The following PSMA6 variants were observed in gnomAD, a reference collection of about 807,000 sequenced individuals.
PSMA6 encodes the protein proteasome subunit alpha type-6.
For missense variants in PSMA6, 170 were observed against 294.8 expected (o/e 0.58, Z 3.10); for synonymous variants, 88 against 97.7 (o/e 0.90, Z 0.59).
chr14:35,312,632 T>A (rs2051967016), intron 4 of PSMA6: 1 of 429,088 alleles, frequency 2.3e-6, no homozygotes. Flanking sequence ...TATTTTTAAA[T>A]TGTATTTGTA....
At chr14:35,297,397 A>G (rs1048259857) in intron 1 of PSMA6, among the ~76,000 whole-genome samples, 9 of 151,670 alleles carry the variant, frequency 5.9e-5, no homozygotes, top group South Asian at 2.1e-4. Context: ...TTATATTTTT[A>G]GTAGAGACGG....
At chr14:35,298,644 G>A (rs182551331) in intron 1 of PSMA6, among the ~76,000 whole-genome samples, 3 of 152,154 alleles carry the variant, frequency 2.0e-5, no homozygotes, top group African/African-American at 4.8e-5. Context: ...TTTAAGTACT[G>A]TTGCCAACGT....
intron 1 of PSMA6, among the ~76,000 whole-genome samples, chr14:35,279,099 G>A (rs2051337874): frequency 6.6e-6 from 1 of 152,156 alleles, no homozygotes; most frequent in Non-Finnish European, 1.5e-5. Flanking sequence ...CCAGGCTGGA[G>A]TGCAGTGGCG....
At chr14:35,297,188 TC>T (rs1478980507) in intron 1 of PSMA6, among the ~76,000 whole-genome samples, 1 of 149,592 alleles carries the variant, frequency 6.7e-6, no homozygotes, top group Non-Finnish European at 1.5e-5. Flanking sequence ...ACTTTCTTTG[TC>T]CCAGTAGAAC....
intron 1 of PSMA6, among the ~76,000 whole-genome samples, chr14:35,287,226 A>G (rs2051429409): frequency 6.6e-6 from 1 of 152,140 alleles, no homozygotes; most frequent in Admixed American, 6.5e-5. Flanking sequence ...AAATCTGGCC[A>G]GAGAGCTGGG....
intron 1 of PSMA6, among the ~76,000 whole-genome samples, chr14:35,304,625 G>A (rs2051786713): frequency 6.6e-6 from 1 of 151,810 alleles, no homozygotes; most frequent in Admixed American, 6.6e-5. Flanking sequence ...AGCTACTCGG[G>A]AGGCTCAGGC....
chr14:35,291,211 GCTTT>G (rs947636524), upstream of PSMA6, among the ~76,000 whole-genome samples: 18 of 144,574 alleles, frequency 1.2e-4, no homozygotes, highest in African/African-American at 3.4e-4. Context: ...CTGGAGTTAG[GCTTT>G]CTTTCTTTTT....
chr14:35,314,904 A>C (rs1038426480), intron 6 of PSMA6: 1 of 151,800 alleles, frequency 6.6e-6, no homozygotes, highest in East Asian at 1.9e-4. Context: ...GATCTTTGGA[A>C]AGCCCAAATT....
chr14:35,293,087 C>T (rs1049493177), intron 1 of PSMA6: 20 of 438,560 alleles, frequency 4.6e-5, no homozygotes, highest in Non-Finnish European at 7.7e-5. Context: ...GTGACAGATA[C>T]GTTAAACAAA....
intron 2 of PSMA6, chr14:35,308,325 G>A (rs10134308): frequency 0.11 from 35,119 of 332,048 alleles, 4,179 homozygotes; most frequent in African/African-American, 0.37. Flanking sequence ...GGAGGCTGAG[G>A]CAGGAGAATC....
At chr14:35,312,353 A>C (rs1245904302) in intron 4 of PSMA6, among the ~76,000 whole-genome samples, 2 of 151,990 alleles carry the variant, frequency 1.3e-5, no homozygotes, top group African/African-American at 4.8e-5. Flanking sequence ...TAAAAACACA[A>C]AAAATTAGCT....
chr14:35,312,640 G>T, intron 4 of PSMA6: 1 of 417,078 alleles, frequency 2.4e-6, no homozygotes, highest in African/African-American at 2.1e-5. Context: ...AATTGTATTT[G>T]TAATTATTCA....
intron 1 of PSMA6, among the ~76,000 whole-genome samples, chr14:35,283,311 G>C (rs1220267464): frequency 6.7e-6 from 1 of 148,662 alleles, no homozygotes; most frequent in Non-Finnish European, 1.5e-5. Context: ...AGAATCTTTT[G>C]AGCCCAGGAG....
chr14:35,283,970 C>A (rs1345615344), intron 1 of PSMA6, among the ~76,000 whole-genome samples: 1 of 152,162 alleles, frequency 6.6e-6, no homozygotes, highest in Non-Finnish European at 1.5e-5. Context: ...TTATCAATAG[C>A]CTCCTGGCTG....
chr14:35,303,660 T>G (rs1166191715), intron 1 of PSMA6, among the ~76,000 whole-genome samples: 1 of 152,168 alleles, frequency 6.6e-6, no homozygotes, highest in East Asian at 1.9e-4. Flanking sequence ...ATTAGCCATA[T>G]CAGGATCAGA....
chr14:35,317,200 G>GA (rs754800640), intron 6 of PSMA6, 49 bp from the exon 7 acceptor site: 1 of 1,526,932 alleles, frequency 6.5e-7, no homozygotes, highest in Admixed American at 1.7e-5. Flanking sequence ...ACGTGTGTTT[G>GA]AAAAAATTTT....
chr14:35,279,342 C>T (rs1299912159), intron 1 of PSMA6, among the ~76,000 whole-genome samples: 1 of 152,108 alleles, frequency 6.6e-6, no homozygotes. Flanking sequence ...CCACTGCACT[C>T]GGCCTCATGT....
chr14:35,280,721 G>A (rs1172303370), intron 1 of PSMA6, among the ~76,000 whole-genome samples: 1 of 151,608 alleles, frequency 6.6e-6, no homozygotes, highest in African/African-American at 2.4e-5. Flanking sequence ...ATGATTTGTT[G>A]TTGTTGTTTG....
intron 1 of PSMA6, 138 bp downstream of exon 1, chr14:35,292,690 A>AC: frequency 6.9e-7 from 1 of 1,444,280 alleles, no homozygotes; most frequent in African/African-American, 1.4e-5. Flanking sequence ...CTGAAGCTGG[A>AC]TTGAGCTCTG....
Sources: gnomAD v4.1 joint callset for allele counts (sites outside exome capture counted in the v4.1 genomes callset) on GRCh38, gnomAD v4.1.1 for gene constraint, MANE v1.5 for transcripts, NCBI Gene and HGNC (gene_info 2026-07-23, HGNC 2026-07-21) for gene names.